GBP7: variants seen among roughly 807,000 people sequenced by gnomAD.
The protein encoded by GBP7 is guanylate binding protein 7.
A neutral mutation model predicts 61.3 loss-of-function variants in GBP7; 43 were observed. The ratio of observed to expected loss-of-function variants is 0.70; its 90% CI spans 0.55 to 0.91. The LOEUF (loss-of-function observed/expected upper bound fraction) is 0.91, where lower values mean the gene tolerates loss of function less well. GBP7 is among the 40% of genes least tolerant of loss of function. The pLI is 0.00. For missense variants in GBP7, 717 were observed against 740.5 expected, an observed-to-expected ratio of 0.97 and a Z score of 0.37; for synonymous variants, 267 against 271.0, an observed-to-expected ratio of 0.99 and a Z score of 0.14.
chr1:89,164,190 T>C (rs959453258), intron 3 of GBP7, among the ~76,000 whole-genome samples: 17 of 152,096 alleles, frequency 1.1e-4, no homozygotes, highest in Admixed American at 8.5e-4. Flanking sequence ...TTTCTAGACA[T>C]TTAAAAACAG....
At chr1:89,169,541 T>A (rs1647541068) in intron 2 of GBP7, among the ~76,000 whole-genome samples, 1 of 152,208 alleles carries the variant, frequency 6.6e-6, no homozygotes, top group Non-Finnish European at 1.5e-5. Flanking sequence ...ACTTTTGAGT[T>A]TATTATTATT....
chr1:89,136,015 T>C (rs1189536349), intron 9 of GBP7, among the ~76,000 whole-genome samples: 2 of 152,170 alleles, frequency 1.3e-5, no homozygotes, highest in Non-Finnish European at 2.9e-5. Flanking sequence ...TTGCTATTCT[T>C]ATTTCAGACA....
chr1:89,165,275 G>A (rs1373331122), intron 2 of GBP7, among the ~76,000 whole-genome samples: 2 of 152,104 alleles, frequency 1.3e-5, no homozygotes, highest in Non-Finnish European at 1.5e-5. Flanking sequence ...GCCGAGGCAG[G>A]TGAATCACAA....
intron 2 of GBP7, among the ~76,000 whole-genome samples, chr1:89,166,285 AGGTTATC>A (rs1190595288): frequency 6.6e-6 from 1 of 152,192 alleles, no homozygotes; most frequent in Non-Finnish European, 1.5e-5. Flanking sequence ...CGTTAACAGA[AGGTTATC>A]CAAATAGAGG....
At chr1:89,167,225 A>AT (rs1478687222) in intron 2 of GBP7, among the ~76,000 whole-genome samples, 1 of 152,116 alleles carries the variant, frequency 6.6e-6, no homozygotes, top group Admixed American at 6.5e-5. Flanking sequence ...TGATTTCTTC[A>AT]TTTCCACAGC....
chr1:89,165,557 C>T (rs528936853), intron 2 of GBP7, among the ~76,000 whole-genome samples: 2 of 151,108 alleles, frequency 1.3e-5, no homozygotes, highest in South Asian at 4.2e-4. Context: ...GGGTCATGTC[C>T]TCAGTAATAA....
chr1:89,150,054 T>C (rs191083937), intron 6 of GBP7, among the ~76,000 whole-genome samples: 70 of 152,306 alleles, frequency 4.6e-4, no homozygotes, highest in African/African-American at 1.7e-3. Context: ...GGTAACATGT[T>C]CATGAAGCCA....
chr1:89,157,715 G>A (rs989355712), intron 3 of GBP7, among the ~76,000 whole-genome samples: 7 of 150,906 alleles, frequency 4.6e-5, no homozygotes, highest in Admixed American at 1.3e-4. Context: ...ATAATTAATA[G>A]CCTCCCAACC....
rs187586392 is a variant in GBP7, at chr1:89,132,189, C to T, written c.1877G>A (p.Cys626Tyr). ...DLGMKILSSL[C>Y]NRLRNPGKKI... ...CTTACCAGGATTTCTCAGCCTATTACATAATGAGCTAAGAATTTTCATTCC... is the reference window on the plus strand; with the variant it reads ...CTTACCAGGATTTCTCAGCCTATTATATAATGAGCTAAGAATTTTCATTCC... Residue 626 changes from cysteine to tyrosine, a missense_variant, in exon 11 of 11, where the codon TGT (cysteine) becomes TAT (tyrosine). By Grantham distance (194) the Cys-to-Tyr change is radical (BLOSUM62 -2). Around this residue, in one of 3 missense-constraint regions of GBP7, gnomAD observed 312 missense variants for 310.1 expected, o/e 1.01. Coordinates refer to ENST00000294671, the MANE Select transcript of GBP7 (RefSeq NM_207398.3). 6.2e-6 allele frequency: 10 copies of T among 1,612,224 alleles called. No homozygotes were observed. The East Asian group carries it at 2.0e-4, about 32-fold the overall frequency.
At chr1:89,159,819 T>C (rs764017039) in intron 3 of GBP7, among the ~76,000 whole-genome samples, 2 of 152,204 alleles carry the variant, frequency 1.3e-5, no homozygotes, top group Non-Finnish European at 1.5e-5. Context: ...CACAAGGATC[T>C]ACAACTAGAA....
intron 8 of GBP7, among the ~76,000 whole-genome samples, chr1:89,146,450 C>A (rs549040151): frequency 9.9e-5 from 15 of 151,986 alleles, no homozygotes; most frequent in Middle Eastern, 3.4e-3. Context: ...AACTAAGTTA[C>A]CACTCAATGA....
In GBP7 at chr1:89,147,759, C is replaced by T. The variant is rs778638525; in HGVS notation, c.1173G>A (p.Lys391=). The T allele has an allele frequency of 3.1e-6, 5 of 1,614,022 alleles. No individual in the cohort carries two copies. The highest frequency in any genetic ancestry group is 8.5e-7 in the Non-Finnish European group (1 of 1,179,996). ...CTTCATTCTGCAGCACAAAGTCTTC[C>T]TTCTTTTTCTCCATGGTGTCCTGCC... ...KKLVDTMEKK[K]EDFVLQNEEA... The change falls in exon 8 of 11, where the codon AAG becomes AAA. Residue 391 remains lysine (K), a synonymous_variant. Coordinates refer to ENST00000294671, the MANE Select transcript of GBP7 (RefSeq NM_207398.3).
chr1:89,132,514 A>G (rs1681704871), intron 10 of GBP7, 111 bp from the exon 11 acceptor site: 2 of 804,296 alleles, frequency 2.5e-6, no homozygotes, highest in Non-Finnish European at 3.9e-6. Context: ...AACATCTTAG[A>G]AAATCTTTGA....
rs115281435 is a variant in GBP7, at chr1:89,147,890, C to T, written c.1153-111G>A. The T allele has an allele frequency of 4.1e-3, 4,388 of 1,057,372 alleles. 119 individuals are homozygous for T. The African/African-American group carries it at 0.057, about 14-fold the overall frequency. 65.5% of individuals were successfully genotyped at this position (1,057,372 alleles called of 1,614,324 possible). On this transcript the variant is annotated intron_variant, in intron 7 of 10. Transcript: ENST00000294671. ...CATGGCCTCAGAGCAGGCTGAGTTACGGTGTAGACTAAGAGTCAGAAGACT... is the reference window on the plus strand; with the variant it reads ...CATGGCCTCAGAGCAGGCTGAGTTATGGTGTAGACTAAGAGTCAGAAGACT...
chr1:89,152,539 A>G (rs1234236487), intron 4 of GBP7, 75 bp from the exon 5 acceptor site: 1 of 1,524,960 alleles, frequency 6.6e-7, no homozygotes, highest in Non-Finnish European at 9.0e-7. Context: ...AGTTTTATAC[A>G]CATTCCCTTT....
intron 9 of GBP7, among the ~76,000 whole-genome samples, chr1:89,136,885 A>C (rs1312533108): frequency 6.6e-6 from 1 of 152,088 alleles, no homozygotes; most frequent in Admixed American, 6.6e-5. Flanking sequence ...GGAAAAATAC[A>C]TAAGATGGAT....
intron 1 of GBP7, among the ~76,000 whole-genome samples, chr1:89,175,110 C>A (rs1432516206): frequency 6.6e-6 from 1 of 152,088 alleles, no homozygotes; most frequent in Non-Finnish European, 1.5e-5. Context: ...GATCATGATA[C>A]AAAATATATA....
chr1:89,143,765 A>G (rs1188248741), intron 8 of GBP7, among the ~76,000 whole-genome samples: 2 of 152,198 alleles, frequency 1.3e-5, no homozygotes, highest in Non-Finnish European at 2.9e-5. Context: ...AGAACTCACT[A>G]TCACACAGAC....
chr1:89,161,479 T>A (rs1647266395), intron 3 of GBP7, among the ~76,000 whole-genome samples: 1 of 152,154 alleles, frequency 6.6e-6, no homozygotes, highest in Non-Finnish European at 1.5e-5. Flanking sequence ...ACTGGTGTGA[T>A]CATGATAGTA....
Sources: allele counts gnomAD v4.1 joint callset (sites outside exome capture counted in the v4.1 genomes callset), GRCh38; gene constraint gnomAD v4.1.1; regional missense constraint gnomAD v4.1.1; transcripts MANE v1.5; gene names NCBI Gene and HGNC (gene_info 2026-07-23, HGNC 2026-07-21).